Variants in MATN4 observed in about 807,000 individuals in gnomAD.
The protein encoded by MATN4 is matrilin 4, also known as matrilin-4.
A neutral mutation model predicts 54.6 loss-of-function variants in MATN4; 40 were observed. The ratio of observed to expected loss-of-function variants is 0.73; its 90% CI spans 0.57 to 0.95. The LOEUF (loss-of-function observed/expected upper bound fraction) is 0.95, where lower values mean the gene tolerates loss of function less well. MATN4 is among the 40% of genes least tolerant of loss of function. MATN4 has a pLI of 0.00. For synonymous variants in MATN4, 351 were observed against 345.3 expected (o/e 1.02, Z -0.18); for missense variants, 810 against 819.1 (o/e 0.99, Z 0.13).
At chr20:45,300,239 G>A (rs906120585) in intron 6 of MATN4, among the ~76,000 whole-genome samples, 3 of 152,168 alleles carry the variant, frequency 2.0e-5, no homozygotes, top group Non-Finnish European at 2.9e-5. Flanking sequence ...GATGCAGCAC[G>A]TGCAGAGGCT....
At chr20:45,303,379 T>C (rs1447227069) in intron 3 of MATN4, 1 of 714,200 alleles carries the variant, frequency 1.4e-6, no homozygotes, top group East Asian at 2.7e-5. Context: ...AGGACAGGGA[T>C]AGCTGTCATC....
intron 6 of MATN4, among the ~76,000 whole-genome samples, chr20:45,300,370 C>T (rs1986146564): frequency 1.3e-5 from 2 of 152,138 alleles, no homozygotes; most frequent in Non-Finnish European, 1.5e-5. Context: ...TGACCTAAGG[C>T]AGTGGTTTCA....
At position 45,298,585 on chromosome 20, in the gene MATN4, T is replaced by C; in HGVS notation, c.1013-2A>G. 1 of 1,531,448 alleles carries C rather than the reference T, an allele frequency of 6.5e-7. No homozygotes were observed. Among genetic ancestry groups the C allele is most frequent in the Non-Finnish European group, 8.8e-7 (1 of 1,136,852 alleles). 94.9% of individuals were successfully genotyped at this position (1,531,448 alleles called of 1,614,324 possible). On this transcript the variant is annotated splice_acceptor_variant, in intron 6 of 9. Coordinates refer to ENST00000372756, the MANE Select transcript of MATN4 (RefSeq NM_001393530.1). LOFTEE classifies it high-confidence loss of function. This position sits in a 1 kb window ranked among gnomAD's most constrained non-coding sequence, Gnocchi z 4.6. ...GGTCCACGTGGCCTTCCCGGCACCC[T>C]GCACAGCCAGAAAAGCTTGAATTGA... is the stretch of plus-strand genomic sequence containing the variant.
In MATN4 at chr20:45,298,147, A is replaced by C. The variant is rs755461666; in HGVS notation, c.1426+23T>G. ...CCAGCGTCTGACCCAACCCCAGCCC[A>C]CTGTGTCCCATGCCAAGCCCACCTT... On this transcript the variant is annotated intron_variant, in intron 7 of 9. Transcript: ENST00000372756. The surrounding 1 kb of genome is among the most constrained non-coding windows in gnomAD (Gnocchi z 4.6). The C allele has an allele frequency of 2.5e-6, 4 of 1,598,516 alleles. No individual in the cohort carries two copies. The African/African-American group carries it at 5.4e-5, about 21-fold the overall frequency.
chr20:45,301,412 T>A lies in MATN4; in HGVS notation c.675A>T (p.Gly225=), dbSNP rs1986225749. The A allele has an allele frequency of 6.2e-7, 1 of 1,613,926 alleles. No homozygotes were observed. Among genetic ancestry groups the A allele is most frequent in the Non-Finnish European group, 8.5e-7 (1 of 1,180,014 alleles). The change falls in exon 4 of 10, where the codon GGA becomes GGT. Residue 225 remains glycine, a synonymous_variant. Coordinates refer to ENST00000372756, the MANE Select transcript of MATN4 (RefSeq NM_001393530.1). ...GGGAATTGACGCAGTGGTGCTCACATCCATGGGTCCCTTCAGCACACAGAT... is the reference window on the plus strand; with the variant it reads ...GGGAATTGACGCAGTGGTGCTCACAACCATGGGTCCCTTCAGCACACAGAT... ...AIDLCAEGTH[G]CEHHCVNSPG... is the part of the protein sequence containing the mutation.
At chr20:45,307,006 C>G in intron 1 of MATN4, 3 of 1,002,002 alleles carry the variant, frequency 3.0e-6, no homozygotes, top group South Asian at 5.1e-5. Context: ...GGACCACCCC[C>G]CCACCCCCTC....
intron 8 of MATN4, among the ~76,000 whole-genome samples, chr20:45,295,116 T>C (rs369376673): frequency 1.3e-5 from 2 of 152,158 alleles, no homozygotes; most frequent in African/African-American, 4.8e-5. Flanking sequence ...ATAATAGAAA[T>C]AAAGTGCACA....
In MATN4 at chr20:45,304,363, C is replaced by A. The variant is rs747244790; in HGVS notation, c.508G>T (p.Ala170Ser). 1 of 1,504,432 alleles carries A rather than the reference C, an allele frequency of 6.6e-7. No homozygotes were observed. The highest frequency in any genetic ancestry group is 1.3e-5 in the South Asian group (1 of 74,532). 93.2% of individuals were successfully genotyped at this position (1,504,432 alleles called of 1,614,324 possible). ...ACGTCCGCGCGCTGCACCCCCACCG[C>A]GTAAATTTCAATGCCGCGGGCGCGC... ...QARARGIEIY[A>S]VGVQRADVGS... Residue 170 changes from alanine to serine, a missense_variant, in exon 3 of 10, where the codon GCG (alanine) becomes TCG (serine). By Grantham distance (99) the Ala-to-Ser change is moderately conservative (BLOSUM62 1). Coordinates refer to ENST00000372756, the MANE Select transcript of MATN4 (RefSeq NM_001393530.1).
intron 3 of MATN4, among the ~76,000 whole-genome samples, chr20:45,302,241 GA>G (rs1986280441): frequency 6.6e-6 from 1 of 152,172 alleles, no homozygotes; most frequent in Non-Finnish European, 1.5e-5. Context: ...AGGTCTTGGA[GA>G]GAGATTTGAA....
intron 3 of MATN4, among the ~76,000 whole-genome samples, chr20:45,301,977 C>A (rs1986261007): frequency 6.6e-6 from 1 of 151,980 alleles, no homozygotes; most frequent in Non-Finnish European, 1.5e-5. Flanking sequence ...AGAAACAAAG[C>A]TGTCTAATAT....
chr20:45,299,433 C>T (rs1986071297), intron 6 of MATN4, among the ~76,000 whole-genome samples: 1 of 152,176 alleles, frequency 6.6e-6, no homozygotes, highest in African/African-American at 2.4e-5. Flanking sequence ...GGCCTTCTAT[C>T]TGATCTTTGT....
rs754402871 is a variant in MATN4, at chr20:45,299,438, C to T, written c.1013-855G>A. 1.3e-4 allele frequency among the ~76,000 whole-genome samples: 20 copies of T among 152,104 alleles called. 1 individual carries two copies. The highest frequency in any genetic ancestry group is 4.1e-4 in the South Asian group (2 of 4,828). On this transcript the variant is annotated intron_variant, in intron 6 of 9. Transcript: ENST00000372756. Reference sequence around the variant, plus strand: ...TGGAGATGATGGCCTTCTATCTGATCTTTGTTATGAACTGAATGAGTGTGT... The same window carrying T: ...TGGAGATGATGGCCTTCTATCTGATTTTTGTTATGAACTGAATGAGTGTGT...
In MATN4 at chr20:45,293,916, G is replaced by A; in HGVS notation, c.1679C>T (p.Thr560Met). Residue 560 changes from threonine to methionine, a missense_variant, in exon 9 of 10, where the codon ACG (threonine) becomes ATG (methionine). Physicochemically the swap from Thr to Met is moderately conservative, Grantham distance 81. Transcript: ENST00000372756. ...CCAGCCCCAAAGGATATGGTTCAGCGTCAGGCTCTCGAGCGCCCCCAGCGT... is the reference window on the plus strand; with the variant it reads ...CCAGCCCCAAAGGATATGGTTCAGCATCAGGCTCTCGAGCGCCCCCAGCGT... Reference protein sequence around the residue: ...GRTLGALESLTLNLAQLTARL... With the variant: ...GRTLGALESLMLNLAQLTARL... 6.2e-7 allele frequency: 1 copy of A among 1,603,088 alleles called. No homozygotes were observed. The highest frequency in any genetic ancestry group is 8.5e-7 in the Non-Finnish European group (1 of 1,178,694).
chr20:45,293,629 G>C lies in MATN4; in HGVS notation c.*138C>G, dbSNP rs1200428095. ...GCGAGGCCAACTCAGCTCAATGCCG[G>C]AAGCCCGCCAGCGCCTCCGCCCCGA... On this transcript the variant is annotated 3_prime_UTR_variant, in exon 10 of 10. Transcript: ENST00000372756. 2 of 758,962 alleles carry C rather than the reference G, an allele frequency of 2.6e-6. No individual in the cohort carries two copies. Among genetic ancestry groups the C allele is most frequent in the Non-Finnish European group, 4.0e-6 (2 of 498,494 alleles). 47.0% of individuals were successfully genotyped at this position (758,962 alleles called of 1,614,324 possible). A position where few individuals can be genotyped will look rare whatever the true frequency, so the allele number is the denominator to read the frequency against.
chr20:45,304,800 G>A lies in MATN4; in HGVS notation c.74-3C>T. The A allele has an allele frequency of 1.3e-6, 2 of 1,563,800 alleles. No individual in the cohort carries two copies. The highest frequency in any genetic ancestry group is 1.7e-6 in the Non-Finnish European group (2 of 1,147,688). On this transcript the variant is annotated splice_region_variant and splice_polypyrimidine_tract_variant and intron_variant, in intron 2 of 9. Transcript: ENST00000372756. ...GGGCCCAGTGTGACACCTGGGACCT[G>A]CGGGGAGATCAGGGAGGACTCTCCT...
intron 8 of MATN4, 133 bp downstream of exon 8, chr20:45,297,785 G>T (rs1011641730): frequency 2.7e-6 from 3 of 1,131,560 alleles, no homozygotes; most frequent in Non-Finnish European, 2.6e-6. Flanking sequence ...ACCACATTTG[G>T]AGTAGCAAAG....
At chr20:45,306,976 C>A in intron 1 of MATN4, 9 of 1,243,050 alleles carry the variant, frequency 7.2e-6, no homozygotes, top group South Asian at 4.1e-5. Context: ...GCCCCGGAGA[C>A]GCCCCGTGAG....
rs763436341 is a variant in MATN4, at chr20:45,298,567, G to A, written c.1029C>T (p.His343=). ...GKSCNRCREG[H]VDLVLLVDGS... ...CATCAACCAGCAGAACAAGGTCCACGTGGCCTTCCCGGCACCCTGCACAGC... is the reference window on the plus strand; with the variant it reads ...CATCAACCAGCAGAACAAGGTCCACATGGCCTTCCCGGCACCCTGCACAGC... Residue 343 remains histidine (H), a synonymous_variant, in exon 7 of 10, where the codon CAC becomes CAT. Coordinates refer to ENST00000372756, the MANE Select transcript of MATN4 (RefSeq NM_001393530.1). This position sits in a 1 kb window ranked among gnomAD's most constrained non-coding sequence, Gnocchi z 4.6. The A allele has an allele frequency of 7.7e-6, 12 of 1,567,692 alleles. No homozygotes were observed. The Admixed American group carries it at 1.4e-4, about 19-fold the overall frequency.
Position 45,304,381 on chromosome 20 carries a change from G to T in MATN4, c.490C>A (p.Arg164Ser), listed in dbSNP as rs2072788. The T allele has an allele frequency of 0.3, 444,409 of 1,497,804 alleles. 72,291 individuals carry two copies. The highest frequency in any genetic ancestry group is 0.74 in the East Asian group (30,788 of 41,826). The allele number at this position is 1,497,804 out of a possible 1,614,324, so 92.8% of individuals were successfully genotyped here. Residue 164 changes from arginine to serine, a missense_variant, in exon 3 of 10, where the codon CGC becomes AGC. By Grantham distance (110) the Arg-to-Ser change is moderately radical. Transcript: ENST00000372756. ...CCCACCGCGTAAATTTCAATGCCGCGGGCGCGCGCCTGTGCCGCCACCTCG... is the reference window on the plus strand; with the variant it reads ...CCCACCGCGTAAATTTCAATGCCGCTGGCGCGCGCCTGTGCCGCCACCTCG... ...VAEVAAQARARGIEIYAVGVQ... is the reference protein window; with the variant it reads ...VAEVAAQARASGIEIYAVGVQ...
Sources: gnomAD v4.1 joint callset for allele counts (sites outside exome capture counted in the v4.1 genomes callset) on GRCh38, gnomAD v4.1.1 for gene constraint, Gnocchi (gnomAD v3.1) non-coding constraint, MANE v1.5 for transcripts, NCBI Gene and HGNC (gene_info 2026-07-23, HGNC 2026-07-21) for gene names.